The following VPS41 variants were observed in gnomAD, a reference collection of about 807,000 sequenced individuals.
VPS41 encodes vacuolar protein sorting-associated protein 41 homolog.
A neutral mutation model predicts 130.9 loss-of-function variants in VPS41; 85 were observed. The ratio of observed to expected loss-of-function variants is 0.65; its 90% CI spans 0.55 to 0.78. The LOEUF is 0.78. VPS41 is among the 30% of genes least tolerant of loss of function. VPS41 has a pLI of 0.00. For missense variants in VPS41, 874 were observed against 1,018.7 expected (o/e 0.86, Z 1.93); for synonymous variants, 335 against 332.9 (o/e 1.01, Z -0.07).
intron 11 of VPS41, among the ~76,000 whole-genome samples, 158 bp downstream of exon 11, chr7:38,776,521 A>G (rs1406648361): frequency 6.6e-6 from 1 of 152,190 alleles, no homozygotes; most frequent in African/African-American, 2.4e-5. Context: ...CGGAAAGTAA[A>G]TATGTCAGGT....
intron 3 of VPS41, among the ~76,000 whole-genome samples, chr7:38,867,918 T>A (rs1362906237): frequency 2.6e-5 from 4 of 152,162 alleles, no homozygotes; most frequent in African/African-American, 9.7e-5. Flanking sequence ...AGAGTTAGGA[T>A]AATCAATCAT....
chr7:38,815,941 T>TATAC (rs761635229), intron 7 of VPS41, among the ~76,000 whole-genome samples: 16 of 142,804 alleles, frequency 1.1e-4, no homozygotes, highest in South Asian at 4.6e-4. Context: ...TATATATATA[T>TATAC]ACACATATAT....
At chr7:38,765,814 A>C (rs983818209) in intron 15 of VPS41, 153 bp from the exon 16 acceptor site, 7 of 544,954 alleles carry the variant, frequency 1.3e-5, no homozygotes, top group African/African-American at 1.9e-5. Context: ...ACCAACGAAC[A>C]TAAAGATATT....
intron 21 of VPS41, among the ~76,000 whole-genome samples, chr7:38,753,329 T>C (rs937329907): frequency 2.0e-5 from 3 of 152,082 alleles, no homozygotes; most frequent in Middle Eastern, 3.2e-3. Flanking sequence ...CATGGACACA[T>C]GCACCTTAAG....
intron 16 of VPS41, among the ~76,000 whole-genome samples, chr7:38,764,090 CA>C: frequency 6.6e-6 from 1 of 152,160 alleles, no homozygotes; most frequent in Non-Finnish European, 1.5e-5. Context: ...TGGGGACAGA[CA>C]GAGAAGGTCA....
chr7:38,796,755 G>T lies in VPS41; in HGVS notation c.560C>A (p.Ala187Asp). Residue 187 changes from alanine (A) to aspartate (D), a missense_variant, in exon 8 of 29, where the codon GCC (alanine) becomes GAC (aspartate). Physicochemically the swap from Ala to Asp is moderately radical, Grantham distance 126. Coordinates refer to ENST00000310301, the MANE Select transcript of VPS41 (RefSeq NM_014396.4). Reference protein sequence around the residue: ...VKWRGHLIAWANNMGVKIFDI... With the variant: ...VKWRGHLIAWDNNMGVKIFDI... ...AGGCATATTTTTTACCATATTATTG[G>T]CCCAAGCAATCAGATGGCCTCTCCA... 6.2e-7 allele frequency: 1 copy of T among 1,613,662 alleles called. No individual in the cohort carries two copies. Among genetic ancestry groups the T allele is most frequent in the South Asian group, 1.1e-5 (1 of 91,064 alleles).
At position 38,807,078 on chromosome 7, in the gene VPS41, G is replaced by A. The variant is rs1784852704; in HGVS notation, c.451-10214C>T. Among the ~76,000 whole-genome samples, 3 of 152,140 alleles carry A rather than the reference G, an allele frequency of 2.0e-5. No individual in the cohort carries two copies. The South Asian group carries it at 6.2e-4, about 32-fold the overall frequency. On this transcript the variant is annotated intron_variant, in intron 7 of 28. Coordinates refer to ENST00000310301, the MANE Select transcript of VPS41 (RefSeq NM_014396.4). ...TGCTTCTTTACCAGTTATGACTTTG[G>A]CTTTGGCTTAGGCTTTTCTCCTTCT...
intron 2 of VPS41, among the ~76,000 whole-genome samples, chr7:38,885,991 TGAGA>T (rs1313974660): frequency 6.6e-6 from 1 of 151,808 alleles, no homozygotes; most frequent in East Asian, 1.9e-4. Context: ...ACCCTCTGAA[TGAGA>T]GAGAGAAAAC....
At chr7:38,848,451 T>C (rs1340456087) in intron 4 of VPS41, among the ~76,000 whole-genome samples, 1 of 152,114 alleles carries the variant, frequency 6.6e-6, no homozygotes, top group Non-Finnish European at 1.5e-5. Context: ...CTACCCCATA[T>C]ACAATTGAAC....
chr7:38,745,771 G>T, intron 22 of VPS41, 158 bp from the exon 23 acceptor site: 1 of 644,518 alleles, frequency 1.6e-6, no homozygotes, highest in Non-Finnish European at 2.7e-6. Context: ...TAGAATAGCT[G>T]CACTCAGTTA....
rs564867220 is a variant in VPS41 at position 38,822,265 on chromosome 7, C to T, written c.322-1000G>A. Among the ~76,000 whole-genome samples the T allele has an allele frequency of 4.6e-5, 7 of 152,268 alleles. No individual in the cohort carries two copies. In the South Asian group the frequency reaches 6.2e-4, roughly 14 times the overall value. ...TATAGTTTGATGAATTTTTATGACA[C>T]GAACATATCCGTGTAACCATCACTC... On this transcript the variant is annotated intron_variant, in intron 5 of 28. Transcript: ENST00000310301.
At chr7:38,868,187 T>C (rs1786269091) in intron 3 of VPS41, among the ~76,000 whole-genome samples, 1 of 152,106 alleles carries the variant, frequency 6.6e-6, no homozygotes. Context: ...AAGGCCAATA[T>C]TCAATGAGTG....
chr7:38,822,398 G>C (rs1412323877), intron 5 of VPS41, among the ~76,000 whole-genome samples: 1 of 152,132 alleles, frequency 6.6e-6, no homozygotes. Flanking sequence ...AGTTGTGCTG[G>C]TGTTAGAATT....
chr7:38,816,220 G>C (rs769074915), intron 7 of VPS41, among the ~76,000 whole-genome samples: 2 of 152,150 alleles, frequency 1.3e-5, no homozygotes, highest in South Asian at 2.1e-4. Flanking sequence ...TAAGGTGAAT[G>C]CAACTACAGC....
chr7:38,847,127 A>C (rs1785743705), intron 4 of VPS41, among the ~76,000 whole-genome samples: 1 of 152,248 alleles, frequency 6.6e-6, no homozygotes, highest in Non-Finnish European at 1.5e-5. Context: ...GGCTGGGAAC[A>C]GTTCAGTGCT....
chr7:38,763,488 C>A lies in VPS41; in HGVS notation c.1389G>T (p.Met463Ile), dbSNP rs1783965977. 6.2e-7 allele frequency: 1 copy of A among 1,607,308 alleles called. No homozygotes were observed. The highest frequency in any genetic ancestry group is 1.3e-5 in the African/African-American group (1 of 74,584). Reference sequence around the variant, plus strand: ...CACTCTCCAAAAATTCATGTAAGATCATTTCATAGATGAGTGGTTTCAGAA... The same window carrying A: ...CACTCTCCAAAAATTCATGTAAGATAATTTCATAGATGAGTGGTTTCAGAA... ...DPVLKPLIYE[M>I]ILHEFLESDY... The change falls in exon 17 of 29, where the codon ATG (methionine) becomes ATT (isoleucine). Residue 463 changes from methionine to isoleucine, a missense_variant. Transcript: ENST00000310301.
intron 14 of VPS41, among the ~76,000 whole-genome samples, chr7:38,767,839 T>C (rs1197489513): frequency 6.6e-6 from 1 of 152,112 alleles, no homozygotes; most frequent in Non-Finnish European, 1.5e-5. Context: ...AAGTAAATAA[T>C]GTTAGTATTT....
At position 38,743,617 on chromosome 7, in the gene VPS41, C is replaced by G. The variant is rs952414860; in HGVS notation, c.1982-75G>C. ...ATTTTTTTAAAGAAATTGCATATCTCTTAATTTGTTTACATAGGTGGAAAG... is the reference window on the plus strand; with the variant it reads ...ATTTTTTTAAAGAAATTGCATATCTGTTAATTTGTTTACATAGGTGGAAAG... On this transcript the variant is annotated intron_variant, in intron 23 of 28. Coordinates refer to ENST00000310301, the MANE Select transcript of VPS41 (RefSeq NM_014396.4). 10 of 1,534,330 alleles carry G rather than the reference C, an allele frequency of 6.5e-6. No individual in the cohort carries two copies. The Admixed American group carries it at 1.6e-4, about 25-fold the overall frequency.
chr7:38,756,769 A>T, intron 19 of VPS41, 69 bp downstream of exon 19: 1 of 1,150,312 alleles, frequency 8.7e-7, no homozygotes. Context: ...GCATTTGGAT[A>T]GATATCTAAG....
Sources: gnomAD v4.1 joint callset for allele counts (sites outside exome capture counted in the v4.1 genomes callset) on GRCh38, gnomAD v4.1.1 for gene constraint, MANE v1.5 for transcripts, NCBI Gene and HGNC (gene_info 2026-07-23, HGNC 2026-07-21) for gene names.